ARPC1A: variants seen among roughly 807,000 people sequenced by gnomAD.
ARPC1A encodes actin related protein 2/3 complex subunit 1A, also known as actin-related protein 2/3 complex subunit 1A.
ARPC1A carries 8 observed loss-of-function variants against 46.9 expected under a neutral mutation model. The observed-to-expected ratio is 0.17, with a 90% CI of 0.10 to 0.31. The LOEUF (loss-of-function observed/expected upper bound fraction) is 0.31. Among genes scored for constraint, ARPC1A ranks in the 10% least tolerant of loss-of-function variants. ARPC1A has a pLI of 1.00. For synonymous variants in ARPC1A, 152 were observed against 169.0 expected, an observed-to-expected ratio of 0.90 and a Z score of 0.78; for missense variants, 286 against 483.6, an observed-to-expected ratio of 0.59 and a Z score of 3.83.
At chr7:99,355,861 T>C (rs1057243610) in intron 6 of ARPC1A, among the ~76,000 whole-genome samples, 1 of 152,222 alleles carries the variant, frequency 6.6e-6, no homozygotes, top group African/African-American at 2.4e-5. Flanking sequence ...CAGCGAACGA[T>C]GACTTCATTA....
Position 99,348,488 on chromosome 7 carries a change from C to G in ARPC1A, c.393-364C>G, listed in dbSNP as rs182051069. 9.2e-5 allele frequency among the ~76,000 whole-genome samples: 14 copies of G among 152,266 alleles called. No homozygotes were observed. In the East Asian group the frequency reaches 2.7e-3, roughly 29 times the overall value. On this transcript the variant is annotated intron_variant, in intron 4 of 9. Coordinates refer to ENST00000262942, the MANE Select transcript of ARPC1A (RefSeq NM_006409.4). The stretch of plus-strand genomic sequence containing the variant: ...TTGGGAGGCTGAGGCCGGTAGATCA[C>G]TTGAGCCCCAGAGTTTGAGACCAGC...
chr7:99,348,511 A>T (rs1003828507), intron 4 of ARPC1A, among the ~76,000 whole-genome samples: 1 of 152,194 alleles, frequency 6.6e-6, no homozygotes, highest in African/African-American at 2.4e-5. Flanking sequence ...GTTTGAGACC[A>T]GCCTGGGCAA....
At chr7:99,359,951 C>T in intron 8 of ARPC1A, 1 of 607,996 alleles carries the variant, frequency 1.6e-6, no homozygotes, top group Non-Finnish European at 2.9e-6. Context: ...GTCATTCTGT[C>T]CTTCAAGGTG....
At chr7:99,334,041 A>AT (rs111494426) in intron 2 of ARPC1A, among the ~76,000 whole-genome samples, 22,388 of 121,468 alleles carry the variant, frequency 0.18, 4,712 homozygotes, top group African/African-American at 0.53. Flanking sequence ...ATATATATGT[A>AT]TTTTTTTTTT....
chr7:99,338,413 T>TG, intron 3 of ARPC1A, 128 bp downstream of exon 3: 1 of 452,690 alleles, frequency 2.2e-6, no homozygotes, highest in Non-Finnish European at 3.6e-6. Context: ...TGAGAAGGAG[T>TG]ATCACTCTTT....
intron 1 of ARPC1A, among the ~76,000 whole-genome samples, chr7:99,328,638 A>G (rs1416436506): frequency 6.6e-6 from 1 of 151,976 alleles, no homozygotes; most frequent in Non-Finnish European, 1.5e-5. Flanking sequence ...ATGACTCTGT[A>G]CTCAGTGATA....
At chr7:99,356,253 T>G (rs1416987619) in intron 6 of ARPC1A, among the ~76,000 whole-genome samples, 1 of 152,192 alleles carries the variant, frequency 6.6e-6, no homozygotes, top group African/African-American at 2.4e-5. Flanking sequence ...ACATGATATG[T>G]TTTTCCTAAC....
At chr7:99,334,732 A>T (rs1034175064) in intron 2 of ARPC1A, among the ~76,000 whole-genome samples, 1 of 152,012 alleles carries the variant, frequency 6.6e-6, no homozygotes, top group African/African-American at 2.4e-5. Context: ...TCCAAGCTGG[A>T]GTGCAGTGGT....
intron 4 of ARPC1A, among the ~76,000 whole-genome samples, chr7:99,346,157 G>A (rs1388589897): frequency 6.6e-6 from 1 of 151,226 alleles, no homozygotes; most frequent in Non-Finnish European, 1.5e-5. Flanking sequence ...CAGAGGTTGC[G>A]GTGAGCCGAG....
In ARPC1A at chr7:99,353,525, T is replaced by A. The variant is rs552091489; in HGVS notation, c.501-384T>A. On this transcript the variant is annotated intron_variant, in intron 5 of 9. Transcript: ENST00000262942. ...GGAGTTTCTCTCTTGTTGCCCAGGCTGGAGTGCAGTGGCGTGATCTCGGCT... is the reference window on the plus strand; with the variant it reads ...GGAGTTTCTCTCTTGTTGCCCAGGCAGGAGTGCAGTGGCGTGATCTCGGCT... Among the ~76,000 whole-genome samples the A allele has an allele frequency of 6.6e-5, 10 of 151,580 alleles. No homozygotes were observed. In the South Asian group the frequency reaches 1.7e-3, roughly 25 times the overall value.
At chr7:99,333,550 G>A in intron 2 of ARPC1A, 133 bp downstream of exon 2, 1 of 758,238 alleles carries the variant, frequency 1.3e-6, no homozygotes, top group Non-Finnish European at 2.1e-6. Context: ...ATTCAGAAGG[G>A]AACTAAGTCA....
intron 1 of ARPC1A, among the ~76,000 whole-genome samples, chr7:99,330,195 T>TAG (rs1479994571): frequency 2.6e-5 from 4 of 152,244 alleles, no homozygotes; most frequent in African/African-American, 9.6e-5. Flanking sequence ...AGTAATGACT[T>TAG]AACTATCTTC....
chr7:99,331,138 G>T (rs1398803319), intron 1 of ARPC1A, among the ~76,000 whole-genome samples: 1 of 152,200 alleles, frequency 6.6e-6, no homozygotes, highest in African/African-American at 2.4e-5. Context: ...GCTGGGCATG[G>T]TGACTCATGC....
At chr7:99,335,730 A>G (rs1793237882) in intron 2 of ARPC1A, among the ~76,000 whole-genome samples, 1 of 152,124 alleles carries the variant, frequency 6.6e-6, no homozygotes, top group Non-Finnish European at 1.5e-5. Flanking sequence ...CAAGGCAGGC[A>G]GATCACGAGG....
intron 1 of ARPC1A, among the ~76,000 whole-genome samples, chr7:99,326,867 G>T (rs1045091004): frequency 7.9e-5 from 12 of 152,086 alleles, no homozygotes; most frequent in Non-Finnish European, 1.5e-4. Flanking sequence ...AGACCAGAAT[G>T]GTGTCAGCCT....
intron 4 of ARPC1A, among the ~76,000 whole-genome samples, 183 bp from the exon 5 acceptor site, chr7:99,348,669 T>C (rs1793502398): frequency 6.6e-6 from 1 of 152,242 alleles, no homozygotes; most frequent in Non-Finnish European, 1.5e-5. Context: ...AGAATCTTTT[T>C]TTATAGAAAC....
intron 8 of ARPC1A, 131 bp from the exon 9 acceptor site, chr7:99,363,411 TC>T (rs1793774895): frequency 4.2e-6 from 3 of 709,852 alleles, no homozygotes; most frequent in Non-Finnish European, 7.1e-6. Context: ...GAGACCCGCA[TC>T]CCAGCTCTAT....
chr7:99,359,310 C>T (rs1346978354), intron 7 of ARPC1A, among the ~76,000 whole-genome samples: 7 of 151,944 alleles, frequency 4.6e-5, no homozygotes, highest in Admixed American at 6.6e-5. Flanking sequence ...GTGGCAGACG[C>T]CTGTAATCCC....
intron 6 of ARPC1A, among the ~76,000 whole-genome samples, chr7:99,355,544 A>T (rs191272996): frequency 1.8e-4 from 28 of 152,246 alleles, no homozygotes; most frequent in African/African-American, 6.5e-4. Flanking sequence ...CAGGAGTTCG[A>T]GAGCAGCCTG....
Sources: allele counts gnomAD v4.1 joint callset (sites outside exome capture counted in the v4.1 genomes callset), GRCh38; gene constraint gnomAD v4.1.1; transcripts MANE v1.5; gene names NCBI Gene and HGNC (gene_info 2026-07-23, HGNC 2026-07-21).